Variants in PLEKHH2 observed in about 807,000 individuals in gnomAD.
PLEKHH2 encodes pleckstrin homology, MyTH4 and FERM domain containing H2, also known as pleckstrin homology domain-containing family H member 2.
A neutral mutation model predicts 187.9 loss-of-function variants in PLEKHH2; 129 were observed. The ratio of observed to expected loss-of-function variants is 0.69; its 90% confidence interval spans 0.59 to 0.79. The LOEUF is 0.79. PLEKHH2 is among the 30% of genes least tolerant of loss of function. PLEKHH2 has a pLI of 0.00. For missense variants in PLEKHH2, 2,076 were observed against 1,751.2 expected (o/e 1.19, Z -3.31); for synonymous variants, 686 against 605.6 (o/e 1.13, Z -1.95).
chr2:43,757,423 T>G (rs1050120746), intron 26 of PLEKHH2, among the ~76,000 whole-genome samples, 159 bp downstream of exon 26: 11 of 65,706 alleles, frequency 1.7e-4, no homozygotes, highest in African/African-American at 8.3e-4. Context: ...TTTTTCTTTC[T>G]TTTTTTTTTT....
At chr2:43,709,851 G>A in intron 11 of PLEKHH2, 139 bp from the exon 12 acceptor site, 2 of 911,722 alleles carry the variant, frequency 2.2e-6, no homozygotes. Flanking sequence ...AGTTATTTAT[G>A]GCCAAAGGAA....
At chr2:43,637,412 G>C (rs969493744) in intron 1 of PLEKHH2, 33 bp downstream of exon 1, 3 of 152,380 alleles carry the variant, frequency 2.0e-5, no homozygotes, top group African/African-American at 4.8e-5. Context: ...GGCCACTCCA[G>C]AGTTCCTGCC....
intron 2 of PLEKHH2, among the ~76,000 whole-genome samples, chr2:43,676,704 G>C (rs144085134): frequency 6.6e-6 from 1 of 152,116 alleles, no homozygotes; most frequent in Admixed American, 6.5e-5. Flanking sequence ...AACACATCCC[G>C]TATGTTGATT....
chr2:43,734,739 C>A (rs1022713550), intron 19 of PLEKHH2, among the ~76,000 whole-genome samples: 3 of 152,202 alleles, frequency 2.0e-5, no homozygotes, highest in African/African-American at 7.2e-5. Flanking sequence ...ATCCAGCAGT[C>A]TCACTGGGAG....
intron 11 of PLEKHH2, among the ~76,000 whole-genome samples, chr2:43,708,120 T>A (rs1435718914): frequency 6.6e-6 from 1 of 152,182 alleles, no homozygotes; most frequent in Non-Finnish European, 1.5e-5. Context: ...AACCTCTGGA[T>A]ACTTCCAATC....
In PLEKHH2 at chr2:43,767,556, G is replaced by T. The variant is rs1051780806; in HGVS notation, c.*1958G>T. On this transcript the variant is annotated 3_prime_UTR_variant, in exon 30 of 30. Transcript: ENST00000282406. ...ATGACTCTCAGAAGCCTTTTGGCTG[G>T]GTTACAGAAGAGTTTCTAAGTTCCT... is the stretch of plus-strand genomic sequence containing the variant. The T allele has an allele frequency of 1.3e-5, 2 of 152,356 alleles. No individual in the cohort carries two copies. The highest frequency in any genetic ancestry group is 3.7e-4 in the East Asian group (2 of 5,334). The allele number at this position is 152,356 out of a possible 1,614,324, so 9.4% of individuals were successfully genotyped here.
At chr2:43,730,035 C>T (rs1670962570) in intron 18 of PLEKHH2, among the ~76,000 whole-genome samples, 1 of 152,110 alleles carries the variant, frequency 6.6e-6, no homozygotes, top group Non-Finnish European at 1.5e-5. Context: ...AATGAAACCC[C>T]ACCTAGCCTT....
chr2:43,688,001 C>G (rs556308671), intron 3 of PLEKHH2, among the ~76,000 whole-genome samples: 1 of 152,118 alleles, frequency 6.6e-6, no homozygotes, highest in East Asian at 1.9e-4. Flanking sequence ...CGTTCCCACT[C>G]TTTTGCCCAG....
At chr2:43,647,727 G>A (rs1409647147) in intron 2 of PLEKHH2, among the ~76,000 whole-genome samples, 1 of 152,110 alleles carries the variant, frequency 6.6e-6, no homozygotes, top group African/African-American at 2.4e-5. Context: ...CAGCCCCAGG[G>A]CTTCTCCCTA....
intron 2 of PLEKHH2, among the ~76,000 whole-genome samples, chr2:43,657,348 C>G (rs1398389118): frequency 6.6e-6 from 1 of 152,168 alleles, no homozygotes; most frequent in Non-Finnish European, 1.5e-5. Context: ...CTTGATTTCA[C>G]TCACATATCT....
At chr2:43,750,389 A>G (rs1309383573) in intron 24 of PLEKHH2, among the ~76,000 whole-genome samples, 1 of 151,958 alleles carries the variant, frequency 6.6e-6, no homozygotes, top group Admixed American at 6.6e-5. Flanking sequence ...GGAGAATCGC[A>G]TGAACCCAGG....
chr2:43,658,314 A>G (rs1422057955), intron 2 of PLEKHH2, among the ~76,000 whole-genome samples: 1 of 152,204 alleles, frequency 6.6e-6, no homozygotes, highest in Non-Finnish European at 1.5e-5. Flanking sequence ...AATTGTTTGT[A>G]CCATTTTTCA....
intron 14 of PLEKHH2, chr2:43,711,471 T>C (rs1669962687): frequency 1.0e-6 from 1 of 961,464 alleles, no homozygotes; most frequent in African/African-American, 1.8e-5. Flanking sequence ...ATTTATCTTC[T>C]TATATGCAAG....
Position 43,738,540 on chromosome 2 carries a change from C to A in PLEKHH2, c.3123+20C>A. The A allele has an allele frequency of 1.3e-6, 2 of 1,552,478 alleles. No homozygotes were observed. The highest frequency in any genetic ancestry group is 1.4e-5 in the African/African-American group (1 of 71,650). On this transcript the variant is annotated intron_variant, in intron 20 of 29. Transcript: ENST00000282406. ...TTGCAGGTAGATATTAATATTGATA[C>A]ATATACATGCAATTTAAAGTGTTTT...
At position 43,703,916 on chromosome 2, in the gene PLEKHH2, CTTTTTTTTTTTTTTTT is replaced by C. The variant is rs10530805; in HGVS notation, c.1651-55_1651-40del. 7 of 387,560 alleles carry C rather than the reference CTTTTTTTTTTTTTTTT, an allele frequency of 1.8e-5. No homozygotes were observed. In the Admixed American group the frequency reaches 2.7e-4, roughly 15 times the overall value. The allele number at this position is 387,560 out of a possible 1,614,324, so 24.0% of individuals were successfully genotyped here. A position where few individuals can be genotyped will look rare whatever the true frequency, so the allele number is the denominator to read the frequency against. On this transcript the variant is annotated intron_variant, in intron 8 of 29. Coordinates refer to ENST00000282406, the MANE Select transcript of PLEKHH2 (RefSeq NM_172069.4). ...GAAAAACATGTGTATTGAAAGTAGT[CTTTTTTTTTTTTTTTT>C]TTTTTTTTTGCTTTAAATACCCTGT...
chr2:43,738,631 G>T, intron 20 of PLEKHH2, 111 bp downstream of exon 20: 1 of 1,004,748 alleles, frequency 1.0e-6, no homozygotes, highest in Non-Finnish European at 1.4e-6. Flanking sequence ...AAGTGCAGAA[G>T]GAAAAATAGG....
intron 7 of PLEKHH2, 118 bp downstream of exon 7, chr2:43,697,474 A>C (rs563148455): frequency 4.7e-6 from 4 of 853,674 alleles, no homozygotes; most frequent in South Asian, 2.3e-5. Context: ...TTGATGTTTT[A>C]TGAGAATGTT....
At chr2:43,642,092 C>A (rs549531795) in intron 1 of PLEKHH2, among the ~76,000 whole-genome samples, 6 of 152,258 alleles carry the variant, frequency 3.9e-5, no homozygotes, top group African/African-American at 1.2e-4. Context: ...AATATTAAGT[C>A]TTCTAATCCA....
chr2:43,709,191 T>C (rs1669821376), intron 11 of PLEKHH2, among the ~76,000 whole-genome samples: 2 of 152,252 alleles, frequency 1.3e-5, no homozygotes, highest in South Asian at 4.1e-4. Context: ...TTTATATCTT[T>C]CAATCTTATT....
Sources: gnomAD v4.1 joint callset for allele counts (sites outside exome capture counted in the v4.1 genomes callset) on GRCh38, gnomAD v4.1.1 for gene constraint, MANE v1.5 for transcripts, NCBI Gene and HGNC (gene_info 2026-07-23, HGNC 2026-07-21) for gene names.